The following KLHL22 variants were observed in gnomAD, a reference collection of about 807,000 sequenced individuals.
The protein encoded by KLHL22 is kelch-like protein 22.
In KLHL22, 18 loss-of-function variants were observed where a neutral mutation model predicts 60.7. The observed-to-expected ratio is 0.30, with a 90% CI of 0.20 to 0.44. The LOEUF (loss-of-function observed/expected upper bound fraction) is 0.44. Ranked by LOEUF, KLHL22 falls within the 20% of genes least tolerant of loss-of-function variation. The pLI, the probability that KLHL22 is intolerant of heterozygous loss-of-function variation, is 1.00. For missense variants in KLHL22, 596 were observed against 852.3 expected (o/e 0.70, Z 3.74); for synonymous variants, 355 against 354.5 (o/e 1.00, Z -0.01).
At position 20,451,118 on chromosome 22, in the gene KLHL22, T is replaced by C. The variant is rs146530371; in HGVS notation, c.1306-4442A>G. On this transcript the variant is annotated intron_variant, in intron 5 of 6. Coordinates refer to ENST00000328879, the MANE Select transcript of KLHL22 (RefSeq NM_032775.4). The stretch of plus-strand genomic sequence containing the variant: ...TCCCTACATGACCAGATCTACGTCA[T>C]TGGTGGCTGTGATGGTCGTTCCAGC... 29 of 1,499,070 alleles carry C rather than the reference T, an allele frequency of 1.9e-5. No homozygotes were observed. In the African/African-American group the frequency reaches 3.0e-4, roughly 16 times the overall value. 92.9% of individuals were successfully genotyped at this position (1,499,070 alleles called of 1,614,324 possible). A position where few individuals can be genotyped will look rare whatever the true frequency, so the allele number is the denominator to read the frequency against.
At chr22:20,490,055 A>T (rs2146290151) in intron 1 of KLHL22, among the ~76,000 whole-genome samples, 1 of 152,344 alleles carries the variant, frequency 6.6e-6, no homozygotes, top group Non-Finnish European at 1.5e-5. Flanking sequence ...TGGAGCAACC[A>T]AAAGTGACTG....
In KLHL22 at chr22:20,457,867, C is replaced by T; in HGVS notation, c.1246G>A (p.Val416Met). ...TTGGTGGCAGGGTCGTAGCGCTCCA[C>T]AGCATTCAGGTCATTGTGGTAGTCA... Reference protein sequence around the residue: ...GRDYHNDLNAVERYDPATNSW... With the variant: ...GRDYHNDLNAMERYDPATNSW... Residue 416 changes from valine to methionine, a missense_variant, in exon 5 of 7, where the codon GTG becomes ATG. Val to Met is a conservative substitution (Grantham distance 21, BLOSUM62 1). Coordinates refer to ENST00000328879, the MANE Select transcript of KLHL22 (RefSeq NM_032775.4). 2 of 1,611,794 alleles carry T rather than the reference C, an allele frequency of 1.2e-6. No homozygotes were observed. The highest frequency in any genetic ancestry group is 1.7e-6 in the Non-Finnish European group (2 of 1,179,040).
In KLHL22 at chr22:20,446,567, G is replaced by C; in HGVS notation, c.1415C>G (p.Thr472Ser). 3.1e-6 allele frequency: 5 copies of C among 1,614,004 alleles called. No homozygotes were observed. The highest frequency in any genetic ancestry group is 4.2e-6 in the Non-Finnish European group (5 of 1,180,016). ...AGGCCCATCAGCCAGTGTGTGCCAAGTGTTGCTGCCTGGATCGTAGCAGTG... is the reference window on the plus strand; with the variant it reads ...AGGCCCATCAGCCAGTGTGTGCCAACTGTTGCTGCCTGGATCGTAGCAGTG... ...ETHCYDPGSN[T>S]WHTLADGPVR... is the part of the protein sequence containing the mutation. The change falls in exon 6 of 7, where the codon ACT (threonine) becomes AGT (serine). Residue 472 changes from threonine (T) to serine (S), a missense_variant. Physicochemically the swap from Thr to Ser is moderately conservative, Grantham distance 58. Coordinates refer to ENST00000328879, the MANE Select transcript of KLHL22 (RefSeq NM_032775.4).
At chr22:20,449,539 T>A (rs945146015) in intron 5 of KLHL22, among the ~76,000 whole-genome samples, 2 of 152,092 alleles carry the variant, frequency 1.3e-5, no homozygotes, top group African/African-American at 4.8e-5. Context: ...TAGCTGGGAT[T>A]ACAGGCGTGT....
At position 20,451,817 on chromosome 22, in the gene KLHL22, A is replaced by G. The variant is rs2052984230; in HGVS notation, c.1306-5141T>C. ...GATGCTGGTGTGTGTGTTCTCCACA[A>G]GAAGTGACCATTGTTGGAGCACCAT... On this transcript the variant is annotated intron_variant, in intron 5 of 6. Transcript: ENST00000328879. The G allele has an allele frequency of 9.3e-6, 15 of 1,604,986 alleles. No homozygotes were observed. The East Asian group carries it at 1.1e-4, about 12-fold the overall frequency.
At chr22:20,489,920 C>T in intron 1 of KLHL22, 1 of 388,848 alleles carries the variant, frequency 2.6e-6, no homozygotes, top group Middle Eastern at 3.8e-4. Context: ...ATCTGCATTG[C>T]CTTTTAAATT....
At chr22:20,472,595 G>A (rs530156083) in intron 2 of KLHL22, among the ~76,000 whole-genome samples, 26 of 152,192 alleles carry the variant, frequency 1.7e-4, no homozygotes, top group African/African-American at 6.0e-4. Context: ...GTGTGGTGGC[G>A]GGCGCCTATC....
Position 20,441,944 on chromosome 22 carries a change from AG to A in KLHL22, c.*128del. On this transcript the variant is annotated 3_prime_UTR_variant, in exon 7 of 7. Transcript: ENST00000328879. ...AGGGGCTGGTGTGAAGAAAGAGGGC[AG>A]GGCCCATAAGCTGTGGCCAACAGGG... The A allele has an allele frequency of 1.1e-6, 1 of 907,508 alleles. No individual in the cohort carries two copies. Among genetic ancestry groups the A allele is most frequent in the Non-Finnish European group, 1.6e-6 (1 of 632,916 alleles). The allele number at this position is 907,508 out of a possible 1,614,324, so 56.2% of individuals were successfully genotyped here.
At chr22:20,477,373 C>T (rs1269896104) in intron 2 of KLHL22, among the ~76,000 whole-genome samples, 1 of 151,714 alleles carries the variant, frequency 6.6e-6, no homozygotes, top group Non-Finnish European at 1.5e-5. Flanking sequence ...CAGAGCAACA[C>T]TGTGCCTCAA....
chr22:20,485,345 A>G (rs541554382), intron 2 of KLHL22, among the ~76,000 whole-genome samples: 1 of 152,212 alleles, frequency 6.6e-6, no homozygotes, highest in South Asian at 2.1e-4. Context: ...AGTTATTAAC[A>G]AAAGTCAAAA....
chr22:20,485,545 AAAG>A (rs772651037), intron 2 of KLHL22, among the ~76,000 whole-genome samples: 11 of 152,192 alleles, frequency 7.2e-5, no homozygotes, highest in Non-Finnish European at 1.5e-4. Flanking sequence ...CAGGTGGGCC[AAAG>A]AAGAAAAATT....
At position 20,465,130 on chromosome 22, in the gene KLHL22, C is replaced by G. The variant is rs1451391674; in HGVS notation, c.840G>C (p.Glu280Asp). 1 of 1,613,986 alleles carries G rather than the reference C, an allele frequency of 6.2e-7. No individual in the cohort carries two copies. The change falls in exon 4 of 7, where the codon GAG (glutamate) becomes GAC (aspartate). Residue 280 changes from glutamate (E) to aspartate (D), a missense_variant. Glu to Asp is a conservative substitution (Grantham distance 45, BLOSUM62 2). Transcript: ENST00000328879. This position sits in a 1 kb window ranked among gnomAD's most constrained non-coding sequence, Gnocchi z 4.9. ...GGCTCTGCAGGCTGGGCTGTAGGCT[C>G]TCGTTCCGGTGGTACATGAGGGCGC... ...VASALMYHRN[E>D]SLQPSLQSPQ...
chr22:20,486,341 T>C (rs1350566963), intron 2 of KLHL22, among the ~76,000 whole-genome samples: 15 of 152,058 alleles, frequency 9.9e-5, no homozygotes, highest in Admixed American at 9.8e-4. Flanking sequence ...CCTGAGGTTT[T>C]TCACTCCCTA....
chr22:20,467,655 G>GTATT (rs1241433691), intron 3 of KLHL22, among the ~76,000 whole-genome samples: 1 of 152,162 alleles, frequency 6.6e-6, no homozygotes, highest in Non-Finnish European at 1.5e-5. Flanking sequence ...TGGTATTTAT[G>GTATT]TATTTATTTA....
rs1246087521 is a variant in KLHL22 at position 20,451,632 on chromosome 22, T to C, written c.1306-4956A>G. 3 of 1,605,408 alleles carry C rather than the reference T, an allele frequency of 1.9e-6. No homozygotes were observed. In the African/African-American group the frequency reaches 4.0e-5, roughly 21 times the overall value. Reference sequence around the variant, plus strand: ...CTGATTCCCGGACAACTGCCACCAGTATGACCACTCCACGATGCTATGTAG... The same window carrying C: ...CTGATTCCCGGACAACTGCCACCAGCATGACCACTCCACGATGCTATGTAG... On this transcript the variant is annotated intron_variant, in intron 5 of 6. Coordinates refer to ENST00000328879, the MANE Select transcript of KLHL22 (RefSeq NM_032775.4).
At chr22:20,477,250 G>T (rs1157900378) in intron 2 of KLHL22, among the ~76,000 whole-genome samples, 1 of 151,910 alleles carries the variant, frequency 6.6e-6, no homozygotes, top group Non-Finnish European at 1.5e-5. Context: ...AAAATTAGCT[G>T]CATGGTGGTG....
intron 1 of KLHL22, among the ~76,000 whole-genome samples, chr22:20,493,731 G>T (rs970038011): frequency 1.3e-5 from 2 of 152,162 alleles, no homozygotes; most frequent in African/African-American, 4.8e-5. Flanking sequence ...GACAGTGCGA[G>T]ACTCCGTCTC....
intron 5 of KLHL22, among the ~76,000 whole-genome samples, chr22:20,457,350 T>C (rs1355098915): frequency 6.6e-6 from 1 of 152,158 alleles, no homozygotes; most frequent in Non-Finnish European, 1.5e-5. Context: ...TTCTTGGCTC[T>C]GGAAGGCGCC....
Position 20,465,422 on chromosome 22 carries a change from G to T in KLHL22, c.548C>A (p.Ser183Tyr), listed in dbSNP as rs764298072. ...AAGCTGGCGGTACTTGTCAGTCCGA[G>T]AGAAGGCCACAAAGTTTTTGAGGAT... ...TYILKNFVAFSRTDKYRQLPL... is the reference protein window; with the variant it reads ...TYILKNFVAFYRTDKYRQLPL... The change falls in exon 4 of 7, where the codon TCT becomes TAT. Residue 183 changes from serine to tyrosine, a missense_variant. Ser to Tyr is a moderately radical substitution (Grantham distance 144). Coordinates refer to ENST00000328879, the MANE Select transcript of KLHL22 (RefSeq NM_032775.4). The surrounding 1 kb of genome is among the most constrained non-coding windows in gnomAD (Gnocchi z 4.9). 6.2e-7 allele frequency: 1 copy of T among 1,614,206 alleles called. No individual in the cohort carries two copies. Among genetic ancestry groups the T allele is most frequent in the Middle Eastern group, 1.6e-4 (1 of 6,062 alleles).
Sources: gnomAD v4.1 joint callset for allele counts (sites outside exome capture counted in the v4.1 genomes callset) on GRCh38, gnomAD v4.1.1 for gene constraint, Gnocchi (gnomAD v3.1) non-coding constraint, MANE v1.5 for transcripts, NCBI Gene and HGNC (gene_info 2026-07-23, HGNC 2026-07-21) for gene names.